PLEKHG4B: variants seen among roughly 807,000 people sequenced by gnomAD.
PLEKHG4B encodes pleckstrin homology and RhoGEF domain containing G4B.
Under a neutral mutation model 121.3 loss-of-function variants are expected in PLEKHG4B, and 111 were observed. That is an observed-to-expected ratio of 0.92 (90% CI 0.78 to 1.07). The LOEUF is 1.07. Among genes scored for constraint, PLEKHG4B ranks in the 50% least tolerant of loss-of-function variants. The probability of loss-of-function intolerance (pLI) is 0.00; values close to 1 mark genes in which losing one functional copy is unlikely to be tolerated. For synonymous variants in PLEKHG4B, 738 were observed against 725.0 expected (o/e 1.02, Z -0.29); for missense variants, 1,831 against 1,757.8 (o/e 1.04, Z -0.74).
Position 182,350 on chromosome 5 carries a change from A to G in PLEKHG4B, c.*27A>G, listed in dbSNP as rs1412698666. 1.9e-6 allele frequency: 3 copies of G among 1,558,770 alleles called. No homozygotes were observed. Among genetic ancestry groups the G allele is most frequent in the Non-Finnish European group, 2.6e-6 (3 of 1,155,436 alleles). On this transcript the variant is annotated 3_prime_UTR_variant, in exon 20 of 20. Transcript: ENST00000637938. ...GACTGTCAGGGTGGCAGTGCCCATC[A>G]TGTGGCTAGAACAATACAGAGGGAG... is the stretch of plus-strand genomic sequence containing the variant.
chr5:109,505 T>A (rs1211989696), intron 1 of PLEKHG4B, among the ~76,000 whole-genome samples: 1 of 151,642 alleles, frequency 6.6e-6, no homozygotes, highest in East Asian at 1.9e-4. Flanking sequence ...GGCTACAGCA[T>A]TGTGGGTATC....
In PLEKHG4B at chr5:182,469, T is replaced by C. The variant is rs141696333; in HGVS notation, c.*146T>C. ...ATAGCACAGCAGGTGTCCAGGTATT[T>C]CCCAGGATTTTAGACATTCCCTAAC... On this transcript the variant is annotated 3_prime_UTR_variant, in exon 20 of 20. Coordinates refer to ENST00000637938, the MANE Select transcript of PLEKHG4B (RefSeq NM_052909.5). 5.2e-5 allele frequency: 40 copies of C among 770,400 alleles called. No homozygotes were observed. In the African/African-American group the frequency reaches 6.3e-4, roughly 12 times the overall value. 47.7% of individuals were successfully genotyped at this position (770,400 alleles called of 1,614,324 possible).
intron 3 of PLEKHG4B, among the ~76,000 whole-genome samples, chr5:141,520 G>T (rs971602842): frequency 6.6e-6 from 1 of 150,736 alleles, no homozygotes. Context: ...TTGCTCTTGG[G>T]CACCCATCGC....
chr5:102,144 G>C (rs1458069542), intron 1 of PLEKHG4B, among the ~76,000 whole-genome samples: 1 of 150,876 alleles, frequency 6.6e-6, no homozygotes, highest in Admixed American at 6.6e-5. Flanking sequence ...CCTGGAAAAA[G>C]CCTGTAGGGG....
chr5:168,865 C>CTTTTT (rs140551039), intron 13 of PLEKHG4B, among the ~76,000 whole-genome samples: 1 of 100,458 alleles, frequency 1.0e-5, no homozygotes, highest in Non-Finnish European at 2.0e-5. Context: ...GAAGATTATT[C>CTTTTT]TTTTTTTTTT....
At position 140,694 on chromosome 5, in the gene PLEKHG4B, T is replaced by A. The variant is rs780539108; in HGVS notation, c.1455T>A (p.Gly485=). The change falls in exon 3 of 20, where the codon GGT becomes GGA. Residue 485 remains glycine (G), a synonymous_variant. Transcript: ENST00000637938. The stretch of plus-strand genomic sequence containing the variant: ...CCCCAAACTGTGTCCCAGTAGAGGG[T>A]CCCGGCTGCACCAAAGAGGAAGGTA... ...VGTPNCVPVE[G]PGCTKEEDVL... The A allele has an allele frequency of 6.3e-7, 1 of 1,583,676 alleles. No individual in the cohort carries two copies. The highest frequency in any genetic ancestry group is 8.6e-7 in the Non-Finnish European group (1 of 1,165,150).
chr5:179,857 A>T (rs546578352), intron 18 of PLEKHG4B: 1 of 152,270 alleles, frequency 6.6e-6, no homozygotes, highest in South Asian at 2.1e-4. Flanking sequence ...AAGTTCATTG[A>T]TCTGCTTTGC....
intron 6 of PLEKHG4B, among the ~76,000 whole-genome samples, chr5:148,346 A>G (rs541656964): frequency 8.3e-6 from 1 of 119,768 alleles, no homozygotes; most frequent in South Asian, 2.2e-4. Context: ...CAGTTCCACA[A>G]AAAAAAAAAA....
At chr5:123,270 C>T (rs1734522577) in intron 2 of PLEKHG4B, among the ~76,000 whole-genome samples, 1 of 151,890 alleles carries the variant, frequency 6.6e-6, no homozygotes, top group African/African-American at 2.4e-5. Context: ...TAACTAGAAA[C>T]TCACAAAATA....
intron 19 of PLEKHG4B, among the ~76,000 whole-genome samples, 153 bp from the exon 20 acceptor site, chr5:181,851 G>A (rs113480801): frequency 6.6e-6 from 1 of 152,260 alleles, no homozygotes; most frequent in African/African-American, 2.4e-5. Context: ...CCTGCAGAGG[G>A]CACTGGGCCA....
Position 184,369 on chromosome 5 carries a change from G to A in PLEKHG4B, c.*2046G>A. On this transcript the variant is annotated 3_prime_UTR_variant, in exon 20 of 20. Coordinates refer to ENST00000637938, the MANE Select transcript of PLEKHG4B (RefSeq NM_052909.5). ...GGACAAGGGCATGTTCTGTTGGGAG[G>A]CACAAAGCTGATGAGGATGGCTGAC... 6.6e-6 allele frequency: 1 copy of A among 152,354 alleles called. No individual in the cohort carries two copies. The highest frequency in any genetic ancestry group is 1.5e-5 in the Non-Finnish European group (1 of 68,044). The allele number at this position is 152,354 out of a possible 1,614,324, so 9.4% of individuals were successfully genotyped here. A position where few individuals can be genotyped will look rare whatever the true frequency, so the allele number is the denominator to read the frequency against.
intron 5 of PLEKHG4B, chr5:144,165 C>T (rs1433679102): frequency 1.3e-5 from 2 of 152,610 alleles, no homozygotes; most frequent in African/African-American, 4.8e-5. Flanking sequence ...TGTGAACAAT[C>T]AAATGAGATA....
chr5:136,349 A>G (rs6888020), intron 2 of PLEKHG4B, among the ~76,000 whole-genome samples: 26,968 of 152,178 alleles, frequency 0.18, 3,192 homozygotes, highest in African/African-American at 0.33. Context: ...GTACTATTGC[A>G]TAAAAAGGGC....
At position 161,855 on chromosome 5, in the gene PLEKHG4B, A is replaced by C. The variant is rs369002621; in HGVS notation, c.2560A>C (p.Arg854=). Residue 854 remains arginine (R), a synonymous_variant, in exon 12 of 20, where the codon AGA becomes CGA. Transcript: ENST00000637938. The part of the protein sequence containing the change: ...QRTEEMVQDF[R]RGLSAVVSQA... ...TACAGAGGAAATGGTCCAGGATTTC[A>C]GAAGGGGCCTGAGCGCCGTGGTCAG... is the stretch of plus-strand genomic sequence containing the variant. 1 of 1,613,804 alleles carries C rather than the reference A, an allele frequency of 6.2e-7. No homozygotes were observed. The highest frequency in any genetic ancestry group is 8.5e-7 in the Non-Finnish European group (1 of 1,180,024).
intron 2 of PLEKHG4B, among the ~76,000 whole-genome samples, chr5:127,336 G>T (rs910789746): frequency 1.2e-5 from 1 of 83,152 alleles, no homozygotes; most frequent in Non-Finnish European, 2.5e-5. Context: ...GCTTATTGTT[G>T]GTTTTTATTA....
rs758368361 is a variant in PLEKHG4B at position 156,127 on chromosome 5, C to T, written c.2265C>T (p.Asp755=). ...CGATGATGAAGCTTGTCCTGGAAGA[C>T]CCACTGCTTGTGTCTCTCAGGCTGG... ...HETMMKLVLE[D]PLLVSLRLEG... The change falls in exon 10 of 20, where the codon GAC becomes GAT. Residue 755 remains aspartate, a synonymous_variant. Coordinates refer to ENST00000637938, the MANE Select transcript of PLEKHG4B (RefSeq NM_052909.5). The surrounding 1 kb of genome is among the most constrained non-coding windows in gnomAD (Gnocchi z 4.4). 1 of 1,598,866 alleles carries T rather than the reference C, an allele frequency of 6.3e-7. No individual in the cohort carries two copies. The highest frequency in any genetic ancestry group is 1.1e-5 in the South Asian group (1 of 89,010).
At position 142,379 on chromosome 5, in the gene PLEKHG4B, G is replaced by A. The variant is rs199501087; in HGVS notation, c.1478-668G>A. On this transcript the variant is annotated intron_variant, in intron 3 of 19. Coordinates refer to ENST00000637938, the MANE Select transcript of PLEKHG4B (RefSeq NM_052909.5). ...CATGCTCGAGTTCCACATACGACACGCACACAGAATCACACAACACACACA... is the reference window on the plus strand; with the variant it reads ...CATGCTCGAGTTCCACATACGACACACACACAGAATCACACAACACACACA... Among the ~76,000 whole-genome samples the A allele has an allele frequency of 3.6e-3, 541 of 150,252 alleles. 5 individuals carry two copies. Among genetic ancestry groups the A allele is most frequent in the Non-Finnish European group, 5.9e-3 (399 of 67,598 alleles).
intron 18 of PLEKHG4B, among the ~76,000 whole-genome samples, chr5:179,946 C>T (rs1057022591): frequency 6.6e-6 from 1 of 152,136 alleles, no homozygotes; most frequent in Admixed American, 6.5e-5. Flanking sequence ...TGATGGATTT[C>T]GGTTTCCTTT....
chr5:169,721 T>C lies in PLEKHG4B; in HGVS notation c.3729+129T>C, dbSNP rs1303241105. ...TCAGTCCAGGTCTAGGAGCTGGTCC[T>C]GACAGGATGTTAAGACCAGCCGAAA... On this transcript the variant is annotated intron_variant, in intron 14 of 19. Transcript: ENST00000637938. The C allele has an allele frequency of 2.2e-6, 3 of 1,374,414 alleles. No homozygotes were observed. In the East Asian group the frequency reaches 7.0e-5, roughly 32 times the overall value. The allele number at this position is 1,374,414 out of a possible 1,614,324, so 85.1% of individuals were successfully genotyped here.
Sources: allele counts gnomAD v4.1 joint callset (sites outside exome capture counted in the v4.1 genomes callset), GRCh38; gene constraint gnomAD v4.1.1; non-coding constraint Gnocchi (gnomAD v3.1); transcripts MANE v1.5; gene names NCBI Gene and HGNC (gene_info 2026-07-23, HGNC 2026-07-21).